RTTN: variants seen among roughly 807,000 people sequenced by gnomAD.
The protein encoded by RTTN is rotatin.
Under a neutral mutation model 269.2 loss-of-function variants are expected in RTTN, and 182 were observed. That is an observed-to-expected ratio of 0.68 (90% CI 0.60 to 0.76). The LOEUF is 0.76. Ranked by LOEUF, RTTN falls within the 30% of genes least tolerant of loss-of-function variation. The pLI, the probability that RTTN is intolerant of heterozygous loss-of-function variation, is 0.00. For synonymous variants in RTTN, 1,006 were observed against 963.5 expected (o/e 1.04, Z -0.82); for missense variants, 2,545 against 2,608.6 (o/e 0.98, Z 0.53).
At position 70,024,734 on chromosome 18, in the gene RTTN, T is replaced by C. The variant is rs1426524958; in HGVS notation, c.5938A>G (p.Asn1980Asp). 9.9e-6 allele frequency: 16 copies of C among 1,613,482 alleles called. No individual in the cohort carries two copies. Among genetic ancestry groups the C allele is most frequent in the Non-Finnish European group, 1.4e-5 (16 of 1,179,508 alleles). The change falls in exon 44 of 49, where the codon AAT (asparagine) becomes GAT (aspartate). Residue 1980 changes from asparagine to aspartate, a missense_variant. Physicochemically the swap from Asn to Asp is conservative, Grantham distance 23. Transcript: ENST00000640769. ...SLQLLCVYTA[N>D]FPNGCSSLCW... The stretch of plus-strand genomic sequence containing the variant: ...TGGATCCTATTACCATTTGGAAAAT[T>C]TGCAGTATAGACACAAAGGAGCTGC...
At chr18:70,120,136 T>C (rs935248589) in intron 26 of RTTN, among the ~76,000 whole-genome samples, 1 of 152,112 alleles carries the variant, frequency 6.6e-6, no homozygotes, top group Non-Finnish European at 1.5e-5. Context: ...GGGGAACTGA[T>C]GGCTTTGTAA....
chr18:70,132,286 A>G (rs28837379), intron 23 of RTTN, among the ~76,000 whole-genome samples: 2,477 of 152,198 alleles, frequency 0.016, 63 homozygotes, highest in African/African-American at 0.057. Flanking sequence ...AACACTATCA[A>G]TAAACCTGAT....
At chr18:70,020,507 A>G in intron 45 of RTTN, 108 bp downstream of exon 45, 1 of 1,091,416 alleles carries the variant, frequency 9.2e-7, no homozygotes, top group African/African-American at 1.6e-5. Context: ...TTTAAAATAA[A>G]ATGCCTCAAA....
At chr18:70,193,511 G>GTT in intron 7 of RTTN, 58 bp from the exon 8 acceptor site, 1 of 1,216,458 alleles carries the variant, frequency 8.2e-7, no homozygotes, top group Non-Finnish European at 1.1e-6. Context: ...TTCTGACTAT[G>GTT]TGGTATTTAT....
intron 39 of RTTN, 82 bp downstream of exon 39, chr18:70,051,329 G>C: frequency 7.0e-7 from 1 of 1,430,630 alleles, no homozygotes; most frequent in East Asian, 2.4e-5. Flanking sequence ...TAACTTTAGT[G>C]AATTTACATA....
chr18:70,016,460 G>A (rs953457813), intron 46 of RTTN, among the ~76,000 whole-genome samples: 2 of 152,146 alleles, frequency 1.3e-5, no homozygotes, highest in Non-Finnish European at 1.5e-5. Flanking sequence ...TGCACCAGGC[G>A]ACGCTGGAGT....
rs758304205 is a variant in RTTN at position 70,193,256 on chromosome 18, C to G, written c.1007+32G>C. On this transcript the variant is annotated intron_variant, in intron 8 of 48. Coordinates refer to ENST00000640769, the MANE Select transcript of RTTN (RefSeq NM_173630.4). ...CACACACACAAGTTAACCGGCATTT[C>G]TCATTTCCCCAGAGACACTGCTAGC... The G allele has an allele frequency of 7.7e-6, 12 of 1,552,658 alleles. No homozygotes were observed. In the South Asian group the frequency reaches 1.4e-4, roughly 18 times the overall value.
intron 8 of RTTN, among the ~76,000 whole-genome samples, chr18:70,192,283 A>G (rs917790736): frequency 1.3e-5 from 2 of 152,212 alleles, no homozygotes; most frequent in Non-Finnish European, 2.9e-5. Flanking sequence ...GAATGACACT[A>G]AAGAGACTAA....
intron 13 of RTTN, 98 bp downstream of exon 13, chr18:70,166,821 C>A: frequency 1.3e-6 from 1 of 752,668 alleles, no homozygotes; most frequent in East Asian, 2.7e-5. Context: ...AAAATAATAA[C>A]AAAGATATAC....
At chr18:70,165,656 G>GA (rs1369339211) in intron 14 of RTTN, among the ~76,000 whole-genome samples, 5 of 150,318 alleles carry the variant, frequency 3.3e-5, no homozygotes, top group African/African-American at 1.2e-4. Context: ...TAAGAAGACA[G>GA]AAAAATAAAT....
At chr18:70,022,914 C>T (rs918403470) in intron 44 of RTTN, among the ~76,000 whole-genome samples, 1 of 152,062 alleles carries the variant, frequency 6.6e-6, no homozygotes, top group Non-Finnish European at 1.5e-5. Flanking sequence ...ACACATTCTC[C>T]CTGGGTAATC....
At chr18:70,137,674 C>T (rs2060156457) in intron 21 of RTTN, among the ~76,000 whole-genome samples, 1 of 152,140 alleles carries the variant, frequency 6.6e-6, no homozygotes, top group African/African-American at 2.4e-5. Flanking sequence ...TCAATCTTGC[C>T]TATTTGAACT....
chr18:70,193,196 AGG>A, intron 8 of RTTN, 90 bp downstream of exon 8: 3 of 1,139,096 alleles, frequency 2.6e-6, no homozygotes, highest in Non-Finnish European at 1.2e-6. Context: ...AAAAAAAAAA[AGG>A]ACAGAAAAAT....
chr18:70,045,045 A>C (rs1357084638), intron 40 of RTTN, among the ~76,000 whole-genome samples: 1 of 152,244 alleles, frequency 6.6e-6, no homozygotes, highest in Non-Finnish European at 1.5e-5. Context: ...TTTATGGACA[A>C]AAGACAGCTG....
chr18:70,036,988 G>A (rs2057194033), intron 40 of RTTN, among the ~76,000 whole-genome samples: 1 of 152,230 alleles, frequency 6.6e-6, no homozygotes, highest in Non-Finnish European at 1.5e-5. Flanking sequence ...GAGGGAGAGA[G>A]CAGCGACTGG....
intron 34 of RTTN, among the ~76,000 whole-genome samples, chr18:70,070,017 G>A (rs1407590940): frequency 6.6e-6 from 1 of 152,126 alleles, no homozygotes; most frequent in African/African-American, 2.4e-5. Context: ...ATAACAAGAA[G>A]TTTAAATTAT....
intron 26 of RTTN, among the ~76,000 whole-genome samples, chr18:70,119,545 A>G (rs1216314750): frequency 6.6e-6 from 1 of 152,022 alleles, no homozygotes. Flanking sequence ...TAACAACCCA[A>G]TTGTGGCGGA....
intron 10 of RTTN, among the ~76,000 whole-genome samples, chr18:70,185,067 C>A (rs1012115978): frequency 1.3e-5 from 2 of 151,592 alleles, no homozygotes; most frequent in African/African-American, 4.9e-5. Context: ...GAAGTAAACC[C>A]ACATATAGTT....
intron 28 of RTTN, among the ~76,000 whole-genome samples, chr18:70,101,828 T>C (rs2059175825): frequency 6.6e-6 from 1 of 152,314 alleles, no homozygotes; most frequent in East Asian, 1.9e-4. Context: ...CTTCATTTCG[T>C]TACGTACCCA....
Sources: allele counts gnomAD v4.1 joint callset (sites outside exome capture counted in the v4.1 genomes callset), GRCh38; gene constraint gnomAD v4.1.1; transcripts MANE v1.5; gene names NCBI Gene and HGNC (gene_info 2026-07-23, HGNC 2026-07-21).